Variants in MGMT observed in about 807,000 individuals in gnomAD.
MGMT encodes O-6-methylguanine-DNA methyltransferase.
MGMT carries 14 observed loss-of-function variants against 15.9 expected under a neutral mutation model. The ratio of observed to expected loss-of-function variants is 0.88; its 90% confidence interval spans 0.58 to 1.37. The LOEUF is 1.37. MGMT is among the 40% of genes most tolerant of loss of function. The pLI is 0.00. For missense variants in MGMT, 282 were observed against 268.1 expected, an observed-to-expected ratio of 1.05 and a Z score of -0.36; for synonymous variants, 130 against 118.2, an observed-to-expected ratio of 1.10 and a Z score of -0.65.
chr10:129,727,255 G>T (rs187593314), intron 3 of MGMT, among the ~76,000 whole-genome samples: 1 of 152,346 alleles, frequency 6.6e-6, no homozygotes, highest in East Asian at 1.9e-4. Flanking sequence ...AAGAGGCCTT[G>T]CAGCTCCCAG....
At chr10:129,531,625 C>T (rs1845932786) in intron 1 of MGMT, among the ~76,000 whole-genome samples, 1 of 152,104 alleles carries the variant, frequency 6.6e-6, no homozygotes, top group South Asian at 2.1e-4. Flanking sequence ...TTTTAGGAAT[C>T]GGCACTAAAC....
chr10:129,635,984 A>G (rs958454979), intron 2 of MGMT, among the ~76,000 whole-genome samples: 1 of 152,256 alleles, frequency 6.6e-6, no homozygotes, highest in Admixed American at 6.5e-5. Context: ...AAATTTACAT[A>G]TTTTTAGTTT....
intron 2 of MGMT, among the ~76,000 whole-genome samples, chr10:129,579,432 T>A (rs1846526183): frequency 6.6e-6 from 1 of 152,204 alleles, no homozygotes; most frequent in African/African-American, 2.4e-5. Context: ...CATGGCAGCG[T>A]CAGATGGAAC....
chr10:129,552,075 G>A (rs1306843424), intron 2 of MGMT, among the ~76,000 whole-genome samples: 1 of 152,148 alleles, frequency 6.6e-6, no homozygotes, highest in Non-Finnish European at 1.5e-5. Context: ...CATGGTTATG[G>A]GCCAAAAAAT....
chr10:129,577,216 C>T (rs1846494179), intron 2 of MGMT, among the ~76,000 whole-genome samples: 1 of 152,118 alleles, frequency 6.6e-6, no homozygotes, highest in South Asian at 2.1e-4. Flanking sequence ...AAAAAAGAGC[C>T]CACATTGCCA....
intron 2 of MGMT, among the ~76,000 whole-genome samples, chr10:129,591,224 T>C (rs781461335): frequency 2.0e-5 from 3 of 152,174 alleles, no homozygotes; most frequent in Non-Finnish European, 4.4e-5. Flanking sequence ...ATTTTTAACT[T>C]TTGAAAATGC....
At chr10:129,565,263 A>G (rs117716454) in intron 2 of MGMT, among the ~76,000 whole-genome samples, 4,929 of 151,482 alleles carry the variant, frequency 0.033, 131 homozygotes, top group South Asian at 0.065. Context: ...AATTATAGGT[A>G]CCTTGAGCTA....
At chr10:129,667,223 C>T (rs575890909) in intron 2 of MGMT, among the ~76,000 whole-genome samples, 27 of 152,306 alleles carry the variant, frequency 1.8e-4, no homozygotes, top group Admixed American at 9.2e-4. Flanking sequence ...CCTGCTGCTG[C>T]TCCCAGAAGT....
intron 1 of MGMT, among the ~76,000 whole-genome samples, chr10:129,492,711 T>G (rs910467011): frequency 3.3e-5 from 5 of 152,304 alleles, no homozygotes; most frequent in South Asian, 2.1e-4. Context: ...AAGGGCAGTC[T>G]CCACTGTACA....
At chr10:129,653,638 C>T (rs1007638621) in intron 2 of MGMT, among the ~76,000 whole-genome samples, 8 of 152,224 alleles carry the variant, frequency 5.3e-5, no homozygotes, top group Non-Finnish European at 7.3e-5. Context: ...CTGGCCCACC[C>T]TATGAGATGT....
At chr10:129,529,593 C>T (rs1171205565) in intron 1 of MGMT, among the ~76,000 whole-genome samples, 2 of 152,138 alleles carry the variant, frequency 1.3e-5, no homozygotes, top group Non-Finnish European at 2.9e-5. Flanking sequence ...GTTTTCTCAT[C>T]GTGATGGAAA....
Position 129,661,782 on chromosome 10 carries a change from C to T in MGMT, c.126-46113C>T, listed in dbSNP as rs147097619. Among the ~76,000 whole-genome samples, 787 of 152,192 alleles carry T rather than the reference C, an allele frequency of 5.2e-3. 9 individuals carry two copies. Among genetic ancestry groups the T allele is most frequent in the Admixed American group, 0.036 (556 of 15,292 alleles). On this transcript the variant is annotated intron_variant, in intron 2 of 4. Coordinates refer to ENST00000651593, the MANE Select transcript of MGMT (RefSeq NM_002412.5). Reference sequence around the variant, plus strand: ...GCTTTGAAGCGCCACTGTAAGATTTCGAAAAAGGACTATCTTGACTTACGG... The same window carrying T: ...GCTTTGAAGCGCCACTGTAAGATTTTGAAAAAGGACTATCTTGACTTACGG...
At chr10:129,503,821 C>T (rs78998429) in intron 1 of MGMT, among the ~76,000 whole-genome samples, 5,725 of 152,286 alleles carry the variant, frequency 0.038, 164 homozygotes, top group South Asian at 0.066. Context: ...TGCCCCTGGT[C>T]TTAATGTTAC....
At chr10:129,567,354 ACC>A (rs561509740) in intron 2 of MGMT, among the ~76,000 whole-genome samples, 2 of 151,562 alleles carry the variant, frequency 1.3e-5, no homozygotes. Context: ...AGCAGGACAG[ACC>A]CCCCCAGAGA....
intron 2 of MGMT, among the ~76,000 whole-genome samples, chr10:129,689,294 T>G (rs1847945201): frequency 2.6e-5 from 4 of 152,190 alleles, no homozygotes; most frequent in African/African-American, 9.7e-5. Flanking sequence ...CTTTGTCCCA[T>G]AAAAATATTT....
chr10:129,714,776 T>A (rs966149812), intron 3 of MGMT, among the ~76,000 whole-genome samples: 1 of 152,206 alleles, frequency 6.6e-6, no homozygotes, highest in Non-Finnish European at 1.5e-5. Context: ...AAGGAATGTT[T>A]TGCCGTTGAG....
chr10:129,687,975 G>C (rs983967309), intron 2 of MGMT, among the ~76,000 whole-genome samples: 5 of 151,758 alleles, frequency 3.3e-5, no homozygotes, highest in African/African-American at 1.2e-4. Context: ...GCAATAGTTT[G>C]CTGAGAATGA....
chr10:129,504,981 A>T (rs1025249404), intron 1 of MGMT, among the ~76,000 whole-genome samples: 1 of 152,074 alleles, frequency 6.6e-6, no homozygotes, highest in East Asian at 1.9e-4. Context: ...GACTTGTAGG[A>T]TATCTAACAA....
At chr10:129,668,032 T>G (rs1462832674) in intron 2 of MGMT, among the ~76,000 whole-genome samples, 1 of 152,204 alleles carries the variant, frequency 6.6e-6, no homozygotes, top group African/African-American at 2.4e-5. Context: ...TTGGCTTGCC[T>G]TTCATTATTT....
Sources: allele counts gnomAD v4.1 joint callset (sites outside exome capture counted in the v4.1 genomes callset), GRCh38; gene constraint gnomAD v4.1.1; transcripts MANE v1.5; gene names NCBI Gene and HGNC (gene_info 2026-07-23, HGNC 2026-07-21).